HECW1: variants seen among roughly 807,000 people sequenced by gnomAD.
HECW1 encodes the protein E3 ubiquitin-protein ligase HECW1.
Under a neutral mutation model 182.3 loss-of-function variants are expected in HECW1, and 61 were observed. That is an observed-to-expected ratio of 0.33 (90% CI 0.27 to 0.41). The LOEUF is 0.41. Among genes scored for constraint, HECW1 ranks in the 10% least tolerant of loss-of-function variants. The pLI is 1.00. For synonymous variants in HECW1, 859 were observed against 832.6 expected, an observed-to-expected ratio of 1.03 and a Z score of -0.55; for missense variants, 1,739 against 2,108.9, an observed-to-expected ratio of 0.82 and a Z score of 3.44.
intron 3 of HECW1, among the ~76,000 whole-genome samples, chr7:43,277,260 G>A (rs890196628): frequency 6.6e-6 from 1 of 152,176 alleles, no homozygotes. Flanking sequence ...TCAGAAAAGA[G>A]CTTCCACTGA....
At chr7:43,405,118 T>C (rs1408706632) in intron 7 of HECW1, among the ~76,000 whole-genome samples, 1 of 152,210 alleles carries the variant, frequency 6.6e-6, no homozygotes, top group African/African-American at 2.4e-5. Context: ...ATCTCTACCT[T>C]GCGGAGTTTG....
intron 2 of HECW1, among the ~76,000 whole-genome samples, chr7:43,195,076 G>C (rs1794318972): frequency 6.6e-6 from 1 of 152,142 alleles, no homozygotes; most frequent in African/African-American, 2.4e-5. Flanking sequence ...GGCAATCATT[G>C]TGTTCCCCTT....
intron 17 of HECW1, among the ~76,000 whole-genome samples, chr7:43,485,467 ATGT>A (rs1554439021): frequency 2.0e-5 from 3 of 152,186 alleles, no homozygotes; most frequent in Non-Finnish European, 2.9e-5. Context: ...CATTCTGAAA[ATGT>A]TGTTGTTAGG....
intron 2 of HECW1, among the ~76,000 whole-genome samples, chr7:43,193,318 G>A (rs781014469): frequency 6.6e-6 from 1 of 152,076 alleles, no homozygotes; most frequent in Non-Finnish European, 1.5e-5. Flanking sequence ...CAGTCCTGCC[G>A]AACTCCTATC....
At chr7:43,469,574 C>T (rs1485723404) in intron 16 of HECW1, among the ~76,000 whole-genome samples, 1 of 152,172 alleles carries the variant, frequency 6.6e-6, no homozygotes, top group African/African-American at 2.4e-5. Context: ...TTCTGTAAAA[C>T]AGCCTAACAA....
chr7:43,396,747 G>A, intron 6 of HECW1, 67 bp from the exon 7 acceptor site: 1 of 1,011,814 alleles, frequency 9.9e-7, no homozygotes, highest in Non-Finnish European at 1.6e-6. Context: ...AACCATGCTT[G>A]TGTTGAAGTG....
intron 24 of HECW1, among the ~76,000 whole-genome samples, chr7:43,523,726 G>C (rs1429449324): frequency 1.3e-5 from 2 of 151,160 alleles, no homozygotes; most frequent in South Asian, 2.1e-4. Context: ...TTACTAATGA[G>C]AGAGGCGCCG....
intron 17 of HECW1, among the ~76,000 whole-genome samples, chr7:43,482,369 T>A (rs1479452737): frequency 1.3e-5 from 2 of 152,222 alleles, no homozygotes; most frequent in East Asian, 3.8e-4. Flanking sequence ...TGACTGCATT[T>A]GCTGTGATGT....
chr7:43,532,927 C>T lies in HECW1; in HGVS notation c.4020-8236C>T, dbSNP rs151025028. Among the ~76,000 whole-genome samples, 322 of 152,262 alleles carry T rather than the reference C, an allele frequency of 2.1e-3. 1 individual carries two copies. The highest frequency in any genetic ancestry group is 3.3e-3 in the Non-Finnish European group (226 of 68,026). On this transcript the variant is annotated intron_variant, in intron 24 of 29. Coordinates refer to ENST00000395891, the MANE Select transcript of HECW1 (RefSeq NM_015052.5). ...TAAGACCTGCATTGCCTCAGAGGGC[C>T]CAGTCAGCCTTCTTCAAGTTTTCAA...
intron 3 of HECW1, among the ~76,000 whole-genome samples, chr7:43,257,174 A>G (rs962551924): frequency 5.3e-5 from 8 of 152,216 alleles, no homozygotes; most frequent in Admixed American, 3.3e-4. Context: ...TACAGTGTAT[A>G]TGTTAATTAA....
At chr7:43,340,807 G>A (rs1812876162) in intron 5 of HECW1, among the ~76,000 whole-genome samples, 1 of 151,574 alleles carries the variant, frequency 6.6e-6, no homozygotes, top group South Asian at 2.1e-4. Context: ...TCCCATTACT[G>A]GGTATATACC....
At chr7:43,325,287 C>A (rs1002046222) in intron 5 of HECW1, among the ~76,000 whole-genome samples, 2 of 152,190 alleles carry the variant, frequency 1.3e-5, no homozygotes, top group African/African-American at 4.8e-5. Context: ...TCATATGATA[C>A]TGTATTATTG....
chr7:43,441,551 T>TTC (rs66803540), intron 9 of HECW1, among the ~76,000 whole-genome samples: 6 of 151,658 alleles, frequency 4.0e-5, no homozygotes, highest in Admixed American at 2.0e-4. Context: ...TCTTTTTTTA[T>TTC]TCTCTCTCTC....
At chr7:43,192,166 C>T (rs986114546) in intron 2 of HECW1, among the ~76,000 whole-genome samples, 3 of 152,118 alleles carry the variant, frequency 2.0e-5, no homozygotes, top group Non-Finnish European at 4.4e-5. Context: ...ACCATATTGG[C>T]CAGGCTGGTC....
chr7:43,304,366 T>C (rs1807258658), intron 3 of HECW1, among the ~76,000 whole-genome samples: 1 of 152,124 alleles, frequency 6.6e-6, no homozygotes. Context: ...GCCTAGTGCT[T>C]ACAAGAATTC....
At chr7:43,263,923 C>G (rs914988646) in intron 3 of HECW1, among the ~76,000 whole-genome samples, 2 of 152,114 alleles carry the variant, frequency 1.3e-5, no homozygotes, top group Non-Finnish European at 2.9e-5. Flanking sequence ...GATAAAAATG[C>G]ACAAATCTCT....
chr7:43,317,101 G>A (rs899388782), intron 4 of HECW1, among the ~76,000 whole-genome samples: 1 of 152,058 alleles, frequency 6.6e-6, no homozygotes, highest in African/African-American at 2.4e-5. Context: ...AGGATTCCTT[G>A]AGCTAATACA....
At chr7:43,169,381 C>G (rs1290216803) in intron 2 of HECW1, among the ~76,000 whole-genome samples, 2 of 152,140 alleles carry the variant, frequency 1.3e-5, no homozygotes, top group African/African-American at 4.8e-5. Flanking sequence ...CCACCAGATG[C>G]CAGTAGCAAC....
intron 6 of HECW1, among the ~76,000 whole-genome samples, chr7:43,393,510 T>C (rs1297631565): frequency 6.6e-6 from 1 of 152,242 alleles, no homozygotes; most frequent in Non-Finnish European, 1.5e-5. Context: ...ATGTTTATTA[T>C]GGCTACCATT....
Sources: allele counts gnomAD v4.1 joint callset (sites outside exome capture counted in the v4.1 genomes callset), GRCh38; gene constraint gnomAD v4.1.1; transcripts MANE v1.5; gene names NCBI Gene and HGNC (gene_info 2026-07-23, HGNC 2026-07-21).